CA2: variants seen among roughly 807,000 people sequenced by gnomAD.
CA2 encodes the protein carbonate dehydratase II.
A neutral mutation model predicts 27.8 loss-of-function variants in CA2; 23 were observed. That is an observed-to-expected ratio of 0.83 (90% CI 0.59 to 1.17). CA2 has a LOEUF of 1.17. CA2 is among the 50% of genes most tolerant of loss of function. The probability of loss-of-function intolerance (pLI) is 0.00; values close to 1 mark genes in which losing one functional copy is unlikely to be tolerated. For missense variants in CA2, 300 were observed against 314.7 expected (o/e 0.95, Z 0.35); for synonymous variants, 99 against 114.9 (o/e 0.86, Z 0.88).
At chr8:85,467,213 A>G (rs1249428562) in intron 2 of CA2, among the ~76,000 whole-genome samples, 2 of 152,238 alleles carry the variant, frequency 1.3e-5, no homozygotes, top group Admixed American at 6.5e-5. Flanking sequence ...TTCTAGTAAT[A>G]TGTATTACTG....
intron 4 of CA2, among the ~76,000 whole-genome samples, chr8:85,475,132 A>G (rs536065086): frequency 2.8e-4 from 42 of 152,274 alleles, no homozygotes; most frequent in Non-Finnish European, 5.0e-4. Flanking sequence ...ACATAGCACA[A>G]TTCCATCTCT....
At chr8:85,473,294 C>A in intron 2 of CA2, 1 of 397,598 alleles carries the variant, frequency 2.5e-6, no homozygotes, top group South Asian at 1.9e-5. Flanking sequence ...TGGCCAGTAG[C>A]TGCATGGGCA....
chr8:85,473,971 C>T (rs1811748935), intron 3 of CA2, 160 bp downstream of exon 3: 1 of 650,508 alleles, frequency 1.5e-6, no homozygotes, highest in Non-Finnish European at 2.8e-6. Context: ...TTAATTGTGA[C>T]ATCATACTTA....
Position 85,478,506 on chromosome 8 carries a change from A to G in CA2, c.663+1231A>G, listed in dbSNP as rs1001745282. 3.9e-5 allele frequency among the ~76,000 whole-genome samples: 6 copies of G among 152,306 alleles called. No individual in the cohort carries two copies. In the South Asian group the frequency reaches 1.2e-3, roughly 32 times the overall value. ...TTTTTTTTCTTCTTTCACTGAGAGCAATGCAACTTTAAAGCAATAGTCTGA... is the reference window on the plus strand; with the variant it reads ...TTTTTTTTCTTCTTTCACTGAGAGCGATGCAACTTTAAAGCAATAGTCTGA... On this transcript the variant is annotated intron_variant, in intron 6 of 6. Transcript: ENST00000285379.
chr8:85,474,997 G>A (rs1361288646), intron 4 of CA2, among the ~76,000 whole-genome samples: 1 of 152,058 alleles, frequency 6.6e-6, no homozygotes, highest in East Asian at 1.9e-4. Flanking sequence ...TTTACAAGGG[G>A]AGAGATGCAA....
chr8:85,480,627 C>T lies in CA2; in HGVS notation c.664-43C>T, dbSNP rs79078632. On this transcript the variant is annotated intron_variant, in intron 6 of 6. Coordinates refer to ENST00000285379, the MANE Select transcript of CA2 (RefSeq NM_000067.3). The stretch of plus-strand genomic sequence containing the variant: ...ATAACACAAGTATATAACTGAATAC[C>T]ATTGTGAAACATTAATTATCAATGT... 7,462 of 1,584,630 alleles carry T rather than the reference C, an allele frequency of 4.7e-3. 329 individuals carry two copies. The African/African-American group carries it at 0.089, about 19-fold the overall frequency.
chr8:85,464,227 C>T (rs1053089088), intron 1 of CA2, 112 bp downstream of exon 1: 30 of 1,023,848 alleles, frequency 2.9e-5, no homozygotes, highest in Non-Finnish European at 3.7e-5. Flanking sequence ...ATGCTGTTTA[C>T]CGCGGCCGCG....
intron 6 of CA2, among the ~76,000 whole-genome samples, 192 bp downstream of exon 6, chr8:85,477,467 T>C (rs937410397): frequency 6.6e-6 from 1 of 152,148 alleles, no homozygotes; most frequent in Non-Finnish European, 1.5e-5. Flanking sequence ...AACTATAAAC[T>C]TAGTTCGTTT....
chr8:85,476,002 T>G lies in CA2; in HGVS notation c.507+142T>G, dbSNP rs530177320. On this transcript the variant is annotated intron_variant, in intron 5 of 6. Transcript: ENST00000285379. ...CAGTTAGTAAAGGTAGAATATTACT[T>G]AAATATTTAATTAACGTTTCTTTCA... 17 of 698,140 alleles carry G rather than the reference T, an allele frequency of 2.4e-5. No individual in the cohort carries two copies. In the South Asian group the frequency reaches 2.7e-4, roughly 11 times the overall value. The allele number at this position is 698,140 out of a possible 1,614,324, so 43.2% of individuals were successfully genotyped here.
At chr8:85,478,822 C>T (rs1811844937) in intron 6 of CA2, among the ~76,000 whole-genome samples, 1 of 152,168 alleles carries the variant, frequency 6.6e-6, no homozygotes, top group Non-Finnish European at 1.5e-5. Flanking sequence ...CTTGGCCTTG[C>T]CAATTGGTGA....
intron 2 of CA2, among the ~76,000 whole-genome samples, chr8:85,467,662 A>G (rs988309430): frequency 6.6e-6 from 1 of 152,214 alleles, no homozygotes; most frequent in African/African-American, 2.4e-5. Flanking sequence ...CATACTGAAT[A>G]TGTACTTATT....
intron 1 of CA2, 48 bp downstream of exon 1, chr8:85,464,163 C>T (rs1239528296): frequency 4.7e-6 from 7 of 1,474,562 alleles, no homozygotes; most frequent in Non-Finnish European, 6.4e-6. Flanking sequence ...TCCCCGATCC[C>T]CGATCCCCGA....
At chr8:85,467,158 T>G (rs971051997) in intron 2 of CA2, among the ~76,000 whole-genome samples, 1 of 152,210 alleles carries the variant, frequency 6.6e-6, no homozygotes, top group Non-Finnish European at 1.5e-5. Flanking sequence ...TGAAAGCAGA[T>G]GAGGTTCCTA....
chr8:85,464,036 C>T lies in CA2; in HGVS notation c.-46C>T. On this transcript the variant is annotated 5_prime_UTR_variant, in exon 1 of 7. Coordinates refer to ENST00000285379, the MANE Select transcript of CA2 (RefSeq NM_000067.3). ...AGTGCAGGCGCCCAAGCCGCCGCCG[C>T]CAGATCGGTGCCGATTCCTGCCCTG... The T allele has an allele frequency of 6.5e-7, 1 of 1,538,262 alleles. No individual in the cohort carries two copies. Among genetic ancestry groups the T allele is most frequent in the South Asian group, 1.2e-5 (1 of 83,888 alleles).
chr8:85,480,703 G>C lies in CA2; in HGVS notation c.697G>C (p.Glu233Gln). Residue 233 changes from glutamate to glutamine, a missense_variant, in exon 7 of 7, where the codon GAG becomes CAG. Glu to Gln is a conservative substitution (Grantham distance 29, BLOSUM62 2). Coordinates refer to ENST00000285379, the MANE Select transcript of CA2 (RefSeq NM_000067.3). ...ATTCCGTAAACTTAACTTCAATGGG[G>C]AGGGTGAACCCGAAGAACTGATGGT... ...LKFRKLNFNGEGEPEELMVDN... is the reference protein window; with the variant it reads ...LKFRKLNFNGQGEPEELMVDN... 1 of 1,613,736 alleles carries C rather than the reference G, an allele frequency of 6.2e-7. No homozygotes were observed. Among genetic ancestry groups the C allele is most frequent in the Non-Finnish European group, 8.5e-7 (1 of 1,179,664 alleles).
chr8:85,480,270 G>GT (rs1241970588), intron 6 of CA2, among the ~76,000 whole-genome samples: 1 of 152,086 alleles, frequency 6.6e-6, no homozygotes, highest in Non-Finnish European at 1.5e-5. Context: ...TTTTGTTTCT[G>GT]TTTTTTGAGG....
rs10666381 is a variant in CA2, at chr8:85,472,995, AAAT to A, written c.233-680_233-678del. On this transcript the variant is annotated intron_variant, in intron 2 of 6. Transcript: ENST00000285379. ...GGCAACAGAGCAAAGCTCTGTTTCA[AAAT>A]AATAATAATAATAATAAATAAATAA... is the stretch of plus-strand genomic sequence containing the variant. Among the ~76,000 whole-genome samples, 61 of 130,568 alleles carry A rather than the reference AAAT, an allele frequency of 4.7e-4. 1 individual carries two copies. Among genetic ancestry groups the A allele is most frequent in the Middle Eastern group, 3.8e-3 (1 of 260 alleles). 85.7% of individuals were successfully genotyped at this position (130,568 alleles called of 152,430 possible).
intron 6 of CA2, among the ~76,000 whole-genome samples, chr8:85,478,228 C>G (rs1811835077): frequency 1.3e-5 from 2 of 152,154 alleles, no homozygotes; most frequent in Non-Finnish European, 2.9e-5. Flanking sequence ...CCTGTGTCCT[C>G]CCTTAGAATA....
Position 85,480,908 on chromosome 8 carries a change from C to T in CA2, c.*119C>T. The T allele has an allele frequency of 1.0e-6, 1 of 987,814 alleles. No homozygotes were observed. The allele number at this position is 987,814 out of a possible 1,614,324, so 61.2% of individuals were successfully genotyped here. ...TTTGTGTCTAGTTTTCTAGACCCTT[C>T]ATCTCTTACTTGATAGACTTACTAA... On this transcript the variant is annotated 3_prime_UTR_variant, in exon 7 of 7. Coordinates refer to ENST00000285379, the MANE Select transcript of CA2 (RefSeq NM_000067.3).
Sources: gnomAD v4.1 joint callset for allele counts (sites outside exome capture counted in the v4.1 genomes callset) on GRCh38, gnomAD v4.1.1 for gene constraint, MANE v1.5 for transcripts, NCBI Gene and HGNC (gene_info 2026-07-23, HGNC 2026-07-21) for gene names.